The following GRXCR1 variants were observed in gnomAD, a reference collection of about 807,000 sequenced individuals.
GRXCR1 encodes the protein glutaredoxin domain-containing cysteine-rich protein 1.
In GRXCR1, 27 loss-of-function variants were observed where a neutral mutation model predicts 27.3. The ratio of observed to expected loss-of-function variants is 0.99; its 90% CI spans 0.73 to 1.37. The LOEUF is 1.37. GRXCR1 is among the 40% of genes most tolerant of loss of function. GRXCR1 has a pLI of 0.00. For missense variants in GRXCR1, 379 were observed against 354.4 expected (o/e 1.07, Z -0.56); for synonymous variants, 122 against 131.1 (o/e 0.93, Z 0.47).
chr4:42,942,481 A>G (rs1560658626), intron 1 of GRXCR1, among the ~76,000 whole-genome samples: 1 of 152,080 alleles, frequency 6.6e-6, no homozygotes, highest in African/African-American at 2.4e-5. Flanking sequence ...GACAGTCATA[A>G]GAATAGGCAA....
chr4:42,961,508 A>G (rs1748128902), intron 1 of GRXCR1, among the ~76,000 whole-genome samples: 3 of 151,972 alleles, frequency 2.0e-5, no homozygotes, highest in African/African-American at 4.8e-5. Flanking sequence ...CTGCAAGACA[A>G]CAATTGCCTA....
At chr4:42,991,422 A>T (rs933269833) in intron 2 of GRXCR1, among the ~76,000 whole-genome samples, 1 of 151,410 alleles carries the variant, frequency 6.6e-6, no homozygotes, top group Non-Finnish European at 1.5e-5. Context: ...ATTTTTTATT[A>T]TACATATATA....
intron 2 of GRXCR1, among the ~76,000 whole-genome samples, chr4:43,016,459 C>T (rs1712934036): frequency 1.3e-5 from 2 of 152,004 alleles, no homozygotes; most frequent in African/African-American, 4.8e-5. Context: ...AATTTTTAAC[C>T]AAAAATTTTA....
At chr4:43,006,413 G>A (rs1445309076) in intron 2 of GRXCR1, among the ~76,000 whole-genome samples, 1 of 152,118 alleles carries the variant, frequency 6.6e-6, no homozygotes, top group Admixed American at 6.5e-5. Context: ...CTTTTTCTCA[G>A]CATGGAACAT....
At chr4:42,947,945 T>C (rs960345046) in intron 1 of GRXCR1, among the ~76,000 whole-genome samples, 1 of 152,226 alleles carries the variant, frequency 6.6e-6, no homozygotes, top group Non-Finnish European at 1.5e-5. Context: ...TGTGTATGTT[T>C]CATGTGCTTC....
intron 1 of GRXCR1, among the ~76,000 whole-genome samples, chr4:42,957,675 A>T (rs1307706909): frequency 6.6e-6 from 1 of 151,468 alleles, no homozygotes; most frequent in Non-Finnish European, 1.5e-5. Context: ...CTTCAAGTTC[A>T]CTAATTCCTT....
intron 2 of GRXCR1, among the ~76,000 whole-genome samples, chr4:42,987,275 T>TAG (rs1248253629): frequency 0.014 from 1,381 of 102,084 alleles, 15 homozygotes; most frequent in Non-Finnish European, 0.019. Flanking sequence ...TATATATATA[T>TAG]ATAGAGAGAG....
intron 2 of GRXCR1, among the ~76,000 whole-genome samples, chr4:43,007,938 T>C (rs1441078901): frequency 6.6e-6 from 1 of 152,218 alleles, no homozygotes; most frequent in East Asian, 1.9e-4. Context: ...TTTTGTTTCA[T>C]TTTTACAATG....
chr4:43,004,573 C>G (rs1182266024), intron 2 of GRXCR1, among the ~76,000 whole-genome samples: 1 of 152,222 alleles, frequency 6.6e-6, no homozygotes, highest in Non-Finnish European at 1.5e-5. Context: ...GGTGGAACTG[C>G]TCAAGACCTT....
chr4:42,984,517 T>C (rs1162359279), intron 2 of GRXCR1, among the ~76,000 whole-genome samples: 1 of 152,230 alleles, frequency 6.6e-6, no homozygotes, highest in East Asian at 1.9e-4. Context: ...CCTATTCTAG[T>C]CTTCTAGACT....
intron 1 of GRXCR1, among the ~76,000 whole-genome samples, chr4:42,955,896 T>C (rs1176438056): frequency 6.6e-6 from 1 of 152,038 alleles, no homozygotes; most frequent in Non-Finnish European, 1.5e-5. Flanking sequence ...TGCATCTGCC[T>C]GAGGAGCTGA....
intron 2 of GRXCR1, among the ~76,000 whole-genome samples, chr4:43,007,025 G>A (rs896793303): frequency 6.6e-6 from 1 of 152,140 alleles, no homozygotes; most frequent in Admixed American, 6.6e-5. Flanking sequence ...TTGGGAAAGG[G>A]GAGCAGTAGA....
chr4:42,930,092 C>T (rs961080038), intron 1 of GRXCR1, among the ~76,000 whole-genome samples: 2 of 152,022 alleles, frequency 1.3e-5, no homozygotes, highest in Non-Finnish European at 2.9e-5. Context: ...GATCAGCCCT[C>T]TTTGCCACAT....
Position 42,959,433 on chromosome 4 carries a change from G to A in GRXCR1, c.385-3459G>A, listed in dbSNP as rs373218219. On this transcript the variant is annotated intron_variant, in intron 1 of 3. Transcript: ENST00000399770. ...ATGGTGGCTGTTAGTGGTGGGGGAT[G>A]GAAGGGAAGAAGGGGGATATAATAG... Among the ~76,000 whole-genome samples, 9 of 151,528 alleles carry A rather than the reference G, an allele frequency of 5.9e-5. 1 individual carries two copies. The East Asian group carries it at 1.4e-3, about 23-fold the overall frequency.
At chr4:43,015,221 G>C (rs1021167189) in intron 2 of GRXCR1, among the ~76,000 whole-genome samples, 1 of 152,148 alleles carries the variant, frequency 6.6e-6, no homozygotes, top group African/African-American at 2.4e-5. Flanking sequence ...CAATCAAATA[G>C]TGAAGACACT....
intron 2 of GRXCR1, among the ~76,000 whole-genome samples, chr4:42,980,525 C>T (rs1748636338): frequency 6.6e-6 from 1 of 151,964 alleles, no homozygotes; most frequent in Admixed American, 6.6e-5. Context: ...TTTTAATCTT[C>T]TTAAATTTCT....
chr4:42,915,066 T>A (rs1324294438), intron 1 of GRXCR1, among the ~76,000 whole-genome samples: 2 of 152,162 alleles, frequency 1.3e-5, no homozygotes, highest in Non-Finnish European at 1.5e-5. Flanking sequence ...GGGGATTTCT[T>A]CATAGCAGCA....
rs970663009 is a variant in GRXCR1 at position 42,921,189 on chromosome 4, C to T, written c.384+27539C>T. The stretch of plus-strand genomic sequence containing the variant: ...ATATAGGCCCAAGGGAGCTTGCTTG[C>T]CCCTTCTACCATGTGAGGACATAGT... On this transcript the variant is annotated intron_variant, in intron 1 of 3. Transcript: ENST00000399770. Among the ~76,000 whole-genome samples the T allele has an allele frequency of 3.9e-5, 6 of 152,034 alleles. No homozygotes were observed. In the South Asian group the frequency reaches 8.3e-4, roughly 21 times the overall value.
chr4:43,013,954 A>G (rs890589138), intron 2 of GRXCR1, among the ~76,000 whole-genome samples: 10 of 152,032 alleles, frequency 6.6e-5, no homozygotes, highest in Non-Finnish European at 2.9e-5. Flanking sequence ...GTTCTTTACA[A>G]TTATGCTGAA....
Sources: allele counts gnomAD v4.1 joint callset (sites outside exome capture counted in the v4.1 genomes callset), GRCh38; gene constraint gnomAD v4.1.1; transcripts MANE v1.5; gene names NCBI Gene and HGNC (gene_info 2026-07-23, HGNC 2026-07-21).